DAOA: variants seen among roughly 807,000 people sequenced by gnomAD.
The protein encoded by DAOA is D-amino acid oxidase regulator.
Under a neutral mutation model 16.4 loss-of-function variants are expected in DAOA, and 15 were observed. The ratio of observed to expected loss-of-function variants is 0.91; its 90% CI spans 0.61 to 1.41. The LOEUF (loss-of-function observed/expected upper bound fraction) is 1.41. DAOA is among the 40% of genes most tolerant of loss of function. The pLI is 0.00. For missense variants in DAOA, 230 were observed against 176.8 expected (o/e 1.30, Z -1.71); for synonymous variants, 75 against 59.1 (o/e 1.27, Z -1.23).
chr13:105,478,801 C>T (rs1316043956), intron 4 of DAOA, among the ~76,000 whole-genome samples: 2 of 152,162 alleles, frequency 1.3e-5, no homozygotes, highest in African/African-American at 4.8e-5. Context: ...GACAGTAGGA[C>T]TTTGTTTTGC....
At chr13:105,489,686 A>G in intron 4 of DAOA, 1 of 1,051,780 alleles carries the variant, frequency 9.5e-7, no homozygotes, top group Non-Finnish European at 1.3e-6. Flanking sequence ...CTTTGAAATT[A>G]TATCCAAATA....
At chr13:105,470,160 T>G (rs1307317770) in intron 3 of DAOA, among the ~76,000 whole-genome samples, 1 of 151,798 alleles carries the variant, frequency 6.6e-6, no homozygotes, top group African/African-American at 2.4e-5. Flanking sequence ...TATATTCTTG[T>G]TATATATCTA....
chr13:105,480,177 T>C (rs1433396279), intron 4 of DAOA, among the ~76,000 whole-genome samples: 1 of 152,214 alleles, frequency 6.6e-6, no homozygotes, highest in East Asian at 1.9e-4. Flanking sequence ...AAATTCCCTG[T>C]CATTAAAATT....
chr13:105,482,206 G>A (rs1180412662), intron 4 of DAOA, among the ~76,000 whole-genome samples: 1 of 152,156 alleles, frequency 6.6e-6, no homozygotes, highest in African/African-American at 2.4e-5. Flanking sequence ...TGAGATATGG[G>A]TAGGGACACA....
intron 3 of DAOA, among the ~76,000 whole-genome samples, chr13:105,470,698 G>A (rs559570698): frequency 2.2e-4 from 33 of 151,878 alleles, no homozygotes; most frequent in African/African-American, 2.9e-4. Context: ...CAACCTCTGC[G>A]TCCTGGGTTC....
intron 4 of DAOA, among the ~76,000 whole-genome samples, chr13:105,479,978 T>C (rs989012158): frequency 1.1e-4 from 16 of 152,170 alleles, no homozygotes; most frequent in Non-Finnish European, 2.2e-4. Flanking sequence ...GGAAGACATT[T>C]TCTCTGATGT....
chr13:105,477,699 G>A (rs978290871), intron 4 of DAOA, among the ~76,000 whole-genome samples: 1 of 152,190 alleles, frequency 6.6e-6, no homozygotes, highest in Non-Finnish European at 1.5e-5. Context: ...AGTCCAGCCT[G>A]GGTGACAGAG....
intron 5 of DAOA, 183 bp downstream of exon 5, chr13:105,490,375 C>G (rs2139211849): frequency 5.5e-6 from 1 of 181,692 alleles, no homozygotes; most frequent in East Asian, 1.7e-4. Context: ...ACACATACTG[C>G]TTTGTGAGCT....
chr13:105,480,479 A>T (rs559770321), intron 4 of DAOA, among the ~76,000 whole-genome samples: 1 of 152,080 alleles, frequency 6.6e-6, no homozygotes, highest in South Asian at 2.1e-4. Flanking sequence ...AACCAATAGG[A>T]TAGATATAGA....
chr13:105,482,766 A>G (rs1022533194), intron 4 of DAOA, among the ~76,000 whole-genome samples: 9 of 151,940 alleles, frequency 5.9e-5, no homozygotes, highest in African/African-American at 1.7e-4. Flanking sequence ...TCTGCTCCTC[A>G]AAGTGCTGGG....
chr13:105,480,495 G>A (rs4771497), intron 4 of DAOA, among the ~76,000 whole-genome samples: 11,127 of 150,574 alleles, frequency 0.074, 549 homozygotes, highest in African/African-American at 0.14. Flanking sequence ...ATAGATAATA[G>A]ATACATAGAT....
intron 3 of DAOA, chr13:105,467,693 C>T (rs1470003574): frequency 6.6e-6 from 1 of 150,988 alleles, no homozygotes; most frequent in Non-Finnish European, 1.5e-5. Context: ...GCCACAACAC[C>T]CAGCCCATTA....
At chr13:105,468,267 G>A (rs1415361416) in intron 3 of DAOA, among the ~76,000 whole-genome samples, 1 of 152,152 alleles carries the variant, frequency 6.6e-6, no homozygotes, top group Non-Finnish European at 1.5e-5. Flanking sequence ...GATTCCACAG[G>A]TTTTCAGGAT....
chr13:105,467,257 T>G, intron 3 of DAOA, 116 bp downstream of exon 3: 21 of 1,183,926 alleles, frequency 1.8e-5, no homozygotes, highest in Non-Finnish European at 2.2e-5. Flanking sequence ...CTTCAATTAA[T>G]TTGTAAGATA....
Position 105,490,193 on chromosome 13 carries a change from G to A in DAOA, c.*111+1G>A, listed in dbSNP as rs1878421429. ...TCTGGGACCCAGCTGATAACACGTGGTAATATGTTTTATAAAATTATATTT... is the reference window on the plus strand; with the variant it reads ...TCTGGGACCCAGCTGATAACACGTGATAATATGTTTTATAAAATTATATTT... On this transcript the variant is annotated splice_donor_variant, in intron 5 of 5. Transcript: ENST00000375936. LOFTEE classifies it low-confidence loss of function (3UTR_SPLICE). The A allele has an allele frequency of 1.7e-6, 2 of 1,202,870 alleles. No individual in the cohort carries two copies. The highest frequency in any genetic ancestry group is 2.1e-6 in the Non-Finnish European group (2 of 948,862). The allele number at this position is 1,202,870 out of a possible 1,614,324, so 74.5% of individuals were successfully genotyped here.
intron 3 of DAOA, 60 bp downstream of exon 3, chr13:105,467,201 G>T (rs1335091254): frequency 3.4e-6 from 5 of 1,474,692 alleles, no homozygotes; most frequent in Non-Finnish European, 4.6e-6. Context: ...ATAAAACTGT[G>T]GTAAAGCTAC....
chr13:105,468,049 C>T (rs1286404677), intron 3 of DAOA, among the ~76,000 whole-genome samples: 4 of 152,072 alleles, frequency 2.6e-5, no homozygotes, highest in South Asian at 2.1e-4. Context: ...TGCCTTGGCT[C>T]GTGGCCTGCC....
rs72655085 is a variant in DAOA at position 105,483,139 on chromosome 13, A to T, written c.282-6762A>T. On this transcript the variant is annotated intron_variant, in intron 4 of 5. Coordinates refer to ENST00000375936, the MANE Select transcript of DAOA (RefSeq NM_172370.5). Reference sequence around the variant, plus strand: ...TGGAGTAAGGTATAAACAGGATGGCACAGTGTTTGCTCTATTTTGTTTGGA... The same window carrying T: ...TGGAGTAAGGTATAAACAGGATGGCTCAGTGTTTGCTCTATTTTGTTTGGA... Among the ~76,000 whole-genome samples, 613 of 152,198 alleles carry T rather than the reference A, an allele frequency of 4.0e-3. 3 individuals are homozygous for T. Among genetic ancestry groups the T allele is most frequent in the Non-Finnish European group, 7.4e-3 (503 of 68,008 alleles).
intron 4 of DAOA, among the ~76,000 whole-genome samples, chr13:105,476,865 C>G (rs1446372169): frequency 1.3e-5 from 2 of 152,054 alleles, no homozygotes; most frequent in African/African-American, 2.4e-5. Flanking sequence ...TCCTTCACCC[C>G]CTACAGAGCC....
Sources: gnomAD v4.1 joint callset for allele counts (sites outside exome capture counted in the v4.1 genomes callset) on GRCh38, gnomAD v4.1.1 for gene constraint, MANE v1.5 for transcripts, NCBI Gene and HGNC (gene_info 2026-07-23, HGNC 2026-07-21) for gene names.